The following TPCN1 variants were observed in gnomAD, a reference collection of about 807,000 sequenced individuals.
TPCN1 encodes two pore channel protein 1.
TPCN1 carries 52 observed loss-of-function variants against 108.8 expected under a neutral mutation model. The observed-to-expected ratio is 0.48, with a 90% CI of 0.38 to 0.60. The LOEUF (loss-of-function observed/expected upper bound fraction) is 0.60, where lower values mean the gene tolerates loss of function less well. Among genes scored for constraint, TPCN1 ranks in the 20% least tolerant of loss-of-function variants. The pLI, the probability that TPCN1 is intolerant of heterozygous loss-of-function variation, is 0.00. For missense variants in TPCN1, 806 were observed against 1,072.8 expected, an observed-to-expected ratio of 0.75 and a Z score of 3.47; for synonymous variants, 446 against 433.7, an observed-to-expected ratio of 1.03 and a Z score of -0.35.
At chr12:113,275,046 G>A (rs79423105) in intron 10 of TPCN1, among the ~76,000 whole-genome samples, 8 of 152,140 alleles carry the variant, frequency 5.3e-5, no homozygotes, top group African/African-American at 1.4e-4. Context: ...GATCACATCC[G>A]ACACCAGGCT....
chr12:113,260,557 C>G, intron 3 of TPCN1, 65 bp downstream of exon 3: 1 of 1,520,408 alleles, frequency 6.6e-7, no homozygotes, highest in Non-Finnish European at 8.8e-7. Flanking sequence ...GCAGCCAAGA[C>G]TCTGTTAGGT....
At chr12:113,260,109 C>T (rs1017704934) in intron 2 of TPCN1, among the ~76,000 whole-genome samples, 1 of 152,156 alleles carries the variant, frequency 6.6e-6, no homozygotes, top group Non-Finnish European at 1.5e-5. Flanking sequence ...CTTGTTTCCT[C>T]CCTTTTGTAC....
intron 2 of TPCN1, among the ~76,000 whole-genome samples, chr12:113,229,587 C>T (rs1953602960): frequency 6.6e-6 from 1 of 152,244 alleles, no homozygotes; most frequent in African/African-American, 2.4e-5. Context: ...CTCCCGTGTT[C>T]AAGCAATTCT....
intron 2 of TPCN1, among the ~76,000 whole-genome samples, chr12:113,229,556 T>A (rs1953600264): frequency 6.6e-6 from 1 of 152,224 alleles, no homozygotes; most frequent in Non-Finnish European, 1.5e-5. Context: ...TGGCACAATC[T>A]CGGCTCATTG....
At chr12:113,263,598 C>T (rs1001521019) in intron 3 of TPCN1, among the ~76,000 whole-genome samples, 1 of 152,244 alleles carries the variant, frequency 6.6e-6, no homozygotes, top group East Asian at 1.9e-4. Flanking sequence ...AGCCAAGCTG[C>T]GGGTCCTGCA....
In TPCN1 at chr12:113,284,588, G is replaced by C; in HGVS notation, c.1350G>C (p.Val450=). Residue 450 remains valine, a synonymous_variant, in exon 16 of 28, where the codon GTG becomes GTC. Coordinates refer to ENST00000335509, the MANE Select transcript of TPCN1 (RefSeq NM_017901.6). The surrounding 1 kb of genome is among the most constrained non-coding windows in gnomAD (Gnocchi z 4.1). ...SKAFQYFMYL[V]VAVNGVWILV... is the part of the protein sequence containing the mutation. ...CGGGCCTGTGTATTTCAGACTTGGT[G>C]GTGGCAGTCAACGGGGTCTGGATCC... 6.2e-7 allele frequency: 1 copy of C among 1,614,162 alleles called. No individual in the cohort carries two copies. The highest frequency in any genetic ancestry group is 8.5e-7 in the Non-Finnish European group (1 of 1,180,040).
chr12:113,279,793 A>T (rs1354227252), intron 14 of TPCN1, among the ~76,000 whole-genome samples: 2 of 152,122 alleles, frequency 1.3e-5, no homozygotes, highest in Non-Finnish European at 2.9e-5. Context: ...AAGTTTGAAA[A>T]TTTGAAATTG....
At chr12:113,241,691 A>G (rs1406963746) in intron 2 of TPCN1, among the ~76,000 whole-genome samples, 2 of 151,876 alleles carry the variant, frequency 1.3e-5, no homozygotes, top group African/African-American at 4.8e-5. Flanking sequence ...CTTCCAAGTG[A>G]ATATGGAACA....
At chr12:113,263,928 A>G (rs1196181569) in intron 3 of TPCN1, among the ~76,000 whole-genome samples, 4 of 152,108 alleles carry the variant, frequency 2.6e-5, no homozygotes, top group African/African-American at 4.8e-5. Flanking sequence ...TGATATTTCC[A>G]TCTGTTGGTG....
chr12:113,275,116 C>T (rs555912258), intron 10 of TPCN1, among the ~76,000 whole-genome samples: 42 of 152,294 alleles, frequency 2.8e-4, no homozygotes, highest in African/African-American at 8.7e-4. Context: ...GGCTTCCGAT[C>T]GAGTCCTGTG....
rs781568756 is a variant in TPCN1 at position 113,266,412 on chromosome 12, C to T, written c.414+56C>T. 40 of 1,580,094 alleles carry T rather than the reference C, an allele frequency of 2.5e-5. No homozygotes were observed. Among genetic ancestry groups the T allele is most frequent in the South Asian group, 3.4e-5 (3 of 89,548 alleles). On this transcript the variant is annotated intron_variant, in intron 4 of 27. Coordinates refer to ENST00000335509, the MANE Select transcript of TPCN1 (RefSeq NM_017901.6). The surrounding 1 kb of genome is among the most constrained non-coding windows in gnomAD (Gnocchi z 4.2). ...TGGGAGCCACGGCTTTCAGGGCAAGCGATGGAACTCCAAAAAGGAACATTC... is the reference window on the plus strand; with the variant it reads ...TGGGAGCCACGGCTTTCAGGGCAAGTGATGGAACTCCAAAAAGGAACATTC...
intron 2 of TPCN1, chr12:113,244,457 T>C (rs1954270136): frequency 1.0e-6 from 1 of 985,302 alleles, no homozygotes; most frequent in Non-Finnish European, 1.2e-6. Context: ...TTGCAACCAA[T>C]TATCAGAAAG....
At chr12:113,276,829 C>G in intron 10 of TPCN1, 90 bp from the exon 11 acceptor site, 1 of 867,842 alleles carries the variant, frequency 1.2e-6, no homozygotes, top group Non-Finnish European at 1.9e-6. Flanking sequence ...GGGTAAGAGC[C>G]TTGCCTAGAT....
chr12:113,283,718 AGCTGGAGT>A (rs953899291), intron 15 of TPCN1, among the ~76,000 whole-genome samples: 1 of 152,054 alleles, frequency 6.6e-6, no homozygotes, highest in Non-Finnish European at 1.5e-5. Flanking sequence ...CTGTCACCCA[AGCTGGAGT>A]GCAGTGGCAC....
intron 2 of TPCN1, among the ~76,000 whole-genome samples, chr12:113,230,703 G>T (rs191719925): frequency 2.0e-5 from 3 of 152,064 alleles, no homozygotes; most frequent in Non-Finnish European, 2.9e-5. Context: ...TGATCTATCC[G>T]CCTTGGCCTC....
chr12:113,267,689 C>T (rs946785528), intron 4 of TPCN1, among the ~76,000 whole-genome samples, 154 bp from the exon 5 acceptor site: 3 of 152,172 alleles, frequency 2.0e-5, no homozygotes, highest in Admixed American at 2.0e-4. Flanking sequence ...GTGACCAAGG[C>T]TCTGTCTTTA....
rs1956319297 is a variant in TPCN1 at position 113,293,047 on chromosome 12, A to G, written c.2227A>G (p.Thr743Ala). 3.7e-6 allele frequency: 6 copies of G among 1,612,384 alleles called. No homozygotes were observed. Among genetic ancestry groups the G allele is most frequent in the South Asian group, 1.1e-5 (1 of 90,996 alleles). Residue 743 changes from threonine (T) to alanine (A), a missense_variant, in exon 26 of 28, where the codon ACC becomes GCC. By Grantham distance (58) the Thr-to-Ala change is moderately conservative. Transcript: ENST00000335509. The part of the protein sequence containing the change: ...ASSDVTRLLE[T>A]LSQMERYQQH... ...CTCGGATGTCACCAGGCTGCTGGAG[A>G]CCCTCTCCCAGATGGAGAGATACCA... is the stretch of plus-strand genomic sequence containing the variant.
At chr12:113,286,517 G>A (rs749424316) in intron 18 of TPCN1, among the ~76,000 whole-genome samples, 25 of 152,216 alleles carry the variant, frequency 1.6e-4, no homozygotes, top group Non-Finnish European at 2.9e-4. Flanking sequence ...AGGGTCCTCT[G>A]GCTTGGGGCA....
chr12:113,269,171 C>T lies in TPCN1; in HGVS notation c.659+299C>T, dbSNP rs573982213. 3.9e-5 allele frequency among the ~76,000 whole-genome samples: 6 copies of T among 152,354 alleles called. No individual in the cohort carries two copies. The highest frequency in any genetic ancestry group is 9.6e-5 in the African/African-American group (4 of 41,588). ...TACCCAAATGCAGGCAGCTCAGCAG[C>T]GTCCATGTGACACAAGCAGACTCTC... is the stretch of plus-strand genomic sequence containing the variant. On this transcript the variant is annotated intron_variant, in intron 6 of 27. Coordinates refer to ENST00000335509, the MANE Select transcript of TPCN1 (RefSeq NM_017901.6). The surrounding 1 kb of genome is among the most constrained non-coding windows in gnomAD (Gnocchi z 5.0).
Sources: allele counts gnomAD v4.1 joint callset (sites outside exome capture counted in the v4.1 genomes callset), GRCh38; gene constraint gnomAD v4.1.1; non-coding constraint Gnocchi (gnomAD v3.1); transcripts MANE v1.5; gene names NCBI Gene and HGNC (gene_info 2026-07-23, HGNC 2026-07-21).